Variants in MYOF observed in about 807,000 individuals in gnomAD.
The protein encoded by MYOF is myoferlin, also known as fer-1-like 3, myoferlin.
MYOF carries 244 observed loss-of-function variants against 284.2 expected under a neutral mutation model. The ratio of observed to expected loss-of-function variants is 0.86; its 90% CI spans 0.77 to 0.95. MYOF has a LOEUF of 0.95. Among genes scored for constraint, MYOF ranks in the 40% least tolerant of loss-of-function variants. MYOF has a pLI of 0.00. For synonymous variants in MYOF, 904 were observed against 919.7 expected (o/e 0.98, Z 0.31); for missense variants, 2,496 against 2,560.6 (o/e 0.97, Z 0.54).
intron 10 of MYOF, among the ~76,000 whole-genome samples, 167 bp downstream of exon 10, chr10:93,402,693 T>TC (rs759764356): frequency 1.3e-5 from 2 of 152,370 alleles, no homozygotes; most frequent in Non-Finnish European, 1.5e-5. Context: ...TGTTATTTAT[T>TC]CCCACTAAGT....
intron 1 of MYOF, among the ~76,000 whole-genome samples, chr10:93,466,171 C>T (rs973262775): frequency 2.0e-5 from 3 of 152,188 alleles, no homozygotes; most frequent in African/African-American, 7.2e-5. Flanking sequence ...ACACAGGGCC[C>T]ATCAGGTGGA....
chr10:93,330,576 T>C (rs1170630022), intron 43 of MYOF, among the ~76,000 whole-genome samples: 1 of 152,156 alleles, frequency 6.6e-6, no homozygotes, highest in African/African-American at 2.4e-5. Flanking sequence ...GGCTTTTCTA[T>C]AGAACCCATA....
chr10:93,373,063 A>T lies in MYOF; in HGVS notation c.2324T>A (p.Ile775Asn), dbSNP rs1438894088. 2.5e-6 allele frequency: 4 copies of T among 1,614,042 alleles called. No individual in the cohort carries two copies. Among genetic ancestry groups the T allele is most frequent in the Admixed American group, 3.3e-5 (2 of 59,994 alleles). Residue 775 changes from isoleucine to asparagine, a missense_variant, in exon 24 of 54, where the codon ATC (isoleucine) becomes AAC (asparagine). This residue lies in a region of MYOF where 2,436 missense variants were observed against 2,480.7 expected (regional missense o/e 0.98). Coordinates refer to ENST00000359263, the MANE Select transcript of MYOF (RefSeq NM_013451.4). ...CTCTCCCCGGATCATCCAGATGATGATGTCAGGCATGCTGTTCTGTGGCTG... is the reference window on the plus strand; with the variant it reads ...CTCTCCCCGGATCATCCAGATGATGTTGTCAGGCATGCTGTTCTGTGGCTG... Reference protein sequence around the residue: ...TEEPQNSMPDIIIWMIRGEKR... With the variant: ...TEEPQNSMPDNIIWMIRGEKR...
intron 19 of MYOF, among the ~76,000 whole-genome samples, chr10:93,386,856 GC>G (rs1564672564): frequency 6.6e-6 from 1 of 152,200 alleles, no homozygotes; most frequent in Admixed American, 6.5e-5. Flanking sequence ...GAGGGAGAAG[GC>G]CCTGGCTCGC....
At chr10:93,387,728 C>T (rs758620615) in intron 19 of MYOF, 69 bp downstream of exon 19, 3 of 1,358,922 alleles carry the variant, frequency 2.2e-6, no homozygotes, top group Non-Finnish European at 3.2e-6. Flanking sequence ...TCCGACTCCC[C>T]CAGCTACCCC....
At chr10:93,312,990 T>C (rs1842460029) in intron 51 of MYOF, 30 bp downstream of exon 51, 1 of 1,577,492 alleles carries the variant, frequency 6.3e-7, no homozygotes, top group Non-Finnish European at 8.6e-7. Flanking sequence ...GCATAAACGA[T>C]TTTCAACCAG....
intron 53 of MYOF, among the ~76,000 whole-genome samples, chr10:93,307,803 T>G (rs1295878372): frequency 6.6e-6 from 1 of 150,656 alleles, no homozygotes; most frequent in Non-Finnish European, 1.5e-5. Context: ...TTTTAAATTT[T>G]TAGTAGAGAC....
intron 5 of MYOF, among the ~76,000 whole-genome samples, chr10:93,416,139 A>G (rs1397366655): frequency 6.6e-6 from 1 of 152,200 alleles, no homozygotes; most frequent in Non-Finnish European, 1.5e-5. Flanking sequence ...TTAATCCTTG[A>G]AACACTTTCT....
intron 50 of MYOF, among the ~76,000 whole-genome samples, chr10:93,314,689 T>G (rs140211327): frequency 1.1e-4 from 17 of 152,358 alleles, no homozygotes; most frequent in African/African-American, 3.8e-4. Context: ...CTTTTGGTTA[T>G]GTGCTCACTT....
intron 1 of MYOF, among the ~76,000 whole-genome samples, chr10:93,472,812 G>A (rs2057179717): frequency 1.3e-5 from 2 of 152,198 alleles, no homozygotes; most frequent in African/African-American, 4.8e-5. Context: ...ATTCTGAACA[G>A]CTAAGCCTGG....
At chr10:93,399,526 A>G (rs1248906095) in intron 12 of MYOF, 31 bp from the exon 13 acceptor site, 1 of 1,536,074 alleles carries the variant, frequency 6.5e-7, no homozygotes, top group African/African-American at 1.4e-5. Context: ...AGCAGAAATT[A>G]AATTCAATTC....
rs748119039 is a variant in MYOF at position 93,396,166 on chromosome 10, C to T, written c.1393G>A (p.Ala465Thr). 3 of 1,609,306 alleles carry T rather than the reference C, an allele frequency of 1.9e-6. No homozygotes were observed. Among genetic ancestry groups the T allele is most frequent in the Non-Finnish European group, 2.5e-6 (3 of 1,177,330 alleles). ...CCTTCCACTTCCCCACCAGAGGCAG[C>T]AATTTTAGAGAGGTGTAGATATGTT... The part of the protein sequence containing the change: ...GTTYLHLSKI[A>T]ASGGEVEDFS... The change falls in exon 16 of 54, where the codon GCT becomes ACT. Residue 465 changes from alanine to threonine, a missense_variant. Physicochemically the swap from Ala to Thr is moderately conservative, Grantham distance 58. Transcript: ENST00000359263.
intron 4 of MYOF, among the ~76,000 whole-genome samples, chr10:93,428,408 G>A (rs1052364614): frequency 2.0e-5 from 3 of 150,796 alleles, no homozygotes; most frequent in Non-Finnish European, 4.4e-5. Context: ...GTTTCACCAT[G>A]TTGGCCAGGC....
At chr10:93,440,389 C>T (rs12412362) in intron 3 of MYOF, among the ~76,000 whole-genome samples, 2,596 of 149,684 alleles carry the variant, frequency 0.017, 63 homozygotes, top group Admixed American at 0.074. Flanking sequence ...TCCAGCCTGT[C>T]GACAGAGCAA....
At chr10:93,436,931 T>G (rs1294220663) in intron 3 of MYOF, among the ~76,000 whole-genome samples, 1 of 152,210 alleles carries the variant, frequency 6.6e-6, no homozygotes, top group Non-Finnish European at 1.5e-5. Context: ...AGTCTCCCCA[T>G]GAACTCCAAC....
Position 93,399,402 on chromosome 10 carries a change from G to A in MYOF, c.1211C>T (p.Ala404Val). 6.2e-7 allele frequency: 1 copy of A among 1,609,544 alleles called. No individual in the cohort carries two copies. Among genetic ancestry groups the A allele is most frequent in the Non-Finnish European group, 8.5e-7 (1 of 1,177,178 alleles). ...AGATCATGTACAAACCTTTTTTCCAGCAAAGGAAACTTCTACAAAAGGATC... is the reference window on the plus strand; with the variant it reads ...AGATCATGTACAAACCTTTTTTCCAACAAAGGAAACTTCTACAAAAGGATC... The part of the protein sequence containing the change: ...LVDPFVEVSF[A>V]GKKVCTNIIE... The change falls in exon 13 of 54, where the codon GCT becomes GTT. Residue 404 changes from alanine to valine, a missense_variant. Ala to Val is a moderately conservative substitution (Grantham distance 64, BLOSUM62 0). Coordinates refer to ENST00000359263, the MANE Select transcript of MYOF (RefSeq NM_013451.4).
At chr10:93,389,273 TTAA>T in intron 17 of MYOF, 119 bp from the exon 18 acceptor site, 1 of 1,153,468 alleles carries the variant, frequency 8.7e-7, no homozygotes, top group Non-Finnish European at 1.2e-6. Flanking sequence ...GTTAGTTGTA[TTAA>T]TGCAAGTTGT....
intron 2 of MYOF, among the ~76,000 whole-genome samples, chr10:93,455,740 G>A (rs746068810): frequency 2.0e-5 from 3 of 152,192 alleles, no homozygotes; most frequent in African/African-American, 4.8e-5. Context: ...GGGAGAGAAA[G>A]GTGGGTGGGT....
chr10:93,430,822 A>G (rs1848808458), intron 4 of MYOF, among the ~76,000 whole-genome samples: 1 of 152,124 alleles, frequency 6.6e-6, no homozygotes, highest in African/African-American at 2.4e-5. Context: ...TGTGATTGAA[A>G]GTATAAAATA....
Sources: gnomAD v4.1 joint callset for allele counts (sites outside exome capture counted in the v4.1 genomes callset) on GRCh38, gnomAD v4.1.1 for gene constraint, gnomAD v4.1.1 regional missense constraint, MANE v1.5 for transcripts, NCBI Gene and HGNC (gene_info 2026-07-23, HGNC 2026-07-21) for gene names.